The following KRTAP13-3 variants were observed in gnomAD, a reference collection of about 807,000 sequenced individuals.
KRTAP13-3 encodes the protein keratin-associated protein 13-3.
For synonymous variants in KRTAP13-3, 98 were observed against 79.4 expected, an observed-to-expected ratio of 1.23 and a Z score of -1.25; for missense variants, 243 against 202.8, an observed-to-expected ratio of 1.20 and a Z score of -1.20.
chr21:30,425,789 A>G, exon 1 of KRTAP13-3: 1 of 1,614,124 alleles, frequency 6.2e-7, no homozygotes, highest in Non-Finnish European at 8.5e-7. Flanking sequence ...GTGCTGGGAG[A>G]GCAGAGGTCA....
At chr21:30,425,793 G>A (rs914774054) in exon 1 of KRTAP13-3, 8 of 1,614,114 alleles carry the variant, frequency 5.0e-6, no homozygotes, top group South Asian at 2.2e-5. Context: ...TGGGAGAGCA[G>A]AGGTCAGTGC....
chr21:30,425,578 C>T, exon 1 of KRTAP13-3: 2 of 1,614,110 alleles, frequency 1.2e-6, no homozygotes, highest in Non-Finnish European at 1.7e-6. Context: ...CCTGGATCCA[C>T]AGCTCAGGGA....
exon 1 of KRTAP13-3, chr21:30,425,817 G>T (rs371300420): frequency 4.3e-6 from 7 of 1,614,068 alleles, no homozygotes; most frequent in African/African-American, 2.7e-5. Context: ...AGACCAGGTT[G>T]CTGGGGTAGG....
At chr21:30,425,703 AC>A in the KRTAP13-3 span, 7 of 1,613,946 alleles carry the variant, frequency 4.3e-6, no homozygotes, top group Non-Finnish European at 5.9e-6. Flanking sequence ...TGGACTCAAC[AC>A]ACAATGTCTG....
chr21:30,425,822 G>C, exon 1 of KRTAP13-3: 1 of 1,614,174 alleles, frequency 6.2e-7, no homozygotes, highest in Non-Finnish European at 8.5e-7. Context: ...AGGTTGCTGG[G>C]GTAGGAAGAG....
exon 1 of KRTAP13-3, chr21:30,425,652 C>T (rs763464876): frequency 1.2e-6 from 2 of 1,614,194 alleles, no homozygotes; most frequent in Non-Finnish European, 1.7e-6. Context: ...AATTGCAGAG[C>T]ATGTGAGTCC....
At chr21:30,425,407 G>T in exon 1 of KRTAP13-3, 1 of 1,564,030 alleles carries the variant, frequency 6.4e-7, no homozygotes, top group East Asian at 2.2e-5. Context: ...GTAGAAACCA[G>T]ATCTACAGAA....
At chr21:30,425,631 A>G (rs1346461856) in exon 1 of KRTAP13-3, 14 of 1,614,192 alleles carry the variant, frequency 8.7e-6, no homozygotes, top group Non-Finnish European at 1.2e-5. Context: ...CAACATGCAT[A>G]GTCAGGCAAG....
chr21:30,425,593 C>T, exon 1 of KRTAP13-3: 3 of 1,614,122 alleles, frequency 1.9e-6, no homozygotes, highest in Non-Finnish European at 2.5e-6. Flanking sequence ...CAGGGAGCAG[C>T]AGCTATTGGA....
Position 30,425,711 on chromosome 21 carries a change from T to C in KRTAP13-3, c.202A>G (p.Thr68Ala). The change falls in exon 1 of 1, where the codon ACA becomes GCA. Residue 68 changes from threonine (T) to alanine (A), a missense_variant. Transcript: ENST00000390690. ...CAGGGGCTGGACTCAACACACAATG[T>C]CTGACAGCTGTTGGGCCTCCAGCAG... 6.2e-7 allele frequency: 1 copy of C among 1,614,080 alleles called. No individual in the cohort carries two copies.
At chr21:30,425,808 G>GACC (rs1183950392) in exon 1 of KRTAP13-3, 1 of 1,614,188 alleles carries the variant, frequency 6.2e-7, no homozygotes, top group Admixed American at 1.7e-5. Flanking sequence ...CAGTGCTGTA[G>GACC]ACCAGGTTGC....
chr21:30,425,649 G>A, exon 1 of KRTAP13-3: 1 of 1,614,216 alleles, frequency 6.2e-7, no homozygotes, highest in Non-Finnish European at 8.5e-7. Flanking sequence ...AAGAATTGCA[G>A]AGCATGTGAG....
the KRTAP13-3 span, chr21:30,425,733 G>T: frequency 6.2e-7 from 1 of 1,614,204 alleles, no homozygotes; most frequent in Non-Finnish European, 8.5e-7. Context: ...TGGGCCTCCA[G>T]CAGGTCTCCT....
exon 1 of KRTAP13-3, chr21:30,425,900 A>C: frequency 1.2e-6 from 2 of 1,612,634 alleles, no homozygotes; most frequent in Non-Finnish European, 1.7e-6. Context: ...CTAGAGCAAC[A>C]GTTGTAGGAC....
exon 1 of KRTAP13-3, chr21:30,425,689 G>A: frequency 6.2e-7 from 1 of 1,614,106 alleles, no homozygotes; most frequent in Non-Finnish European, 8.5e-7. Flanking sequence ...GGTGTGGCAG[G>A]GGCTGGACTC....
chr21:30,425,388 C>T (rs1177398481), exon 1 of KRTAP13-3: 3 of 1,535,676 alleles, frequency 2.0e-6, no homozygotes, highest in Non-Finnish European at 8.8e-7. Flanking sequence ...CCAGTCACCA[C>T]ATTAGTCAGT....
chr21:30,425,821 G>C (rs1324693957), exon 1 of KRTAP13-3: 1 of 1,614,036 alleles, frequency 6.2e-7, no homozygotes, highest in Non-Finnish European at 8.5e-7. Context: ...CAGGTTGCTG[G>C]GGTAGGAAGA....
At chr21:30,425,730 C>T in the KRTAP13-3 span, 5 of 1,614,116 alleles carry the variant, frequency 3.1e-6, no homozygotes, top group Non-Finnish European at 4.2e-6. Context: ...TGTTGGGCCT[C>T]CAGCAGGTCT....
exon 1 of KRTAP13-3, chr21:30,425,858 A>G: frequency 6.2e-7 from 1 of 1,614,024 alleles, no homozygotes; most frequent in South Asian, 1.1e-5. Context: ...GGGTAGTGCA[A>G]GTAACCCCCG....
Sources: gnomAD v4.1 joint callset for allele counts on GRCh38, gnomAD v4.1.1 for gene constraint, MANE v1.5 for transcripts, NCBI Gene and HGNC (gene_info 2026-07-23, HGNC 2026-07-21) for gene names.